The following GATAD2A variants were observed in gnomAD, a reference collection of about 807,000 sequenced individuals.
GATAD2A encodes transcriptional repressor p66-alpha.
A neutral mutation model predicts 68.5 loss-of-function variants in GATAD2A; 12 were observed. The observed-to-expected ratio is 0.18, with a 90% CI of 0.11 to 0.28. GATAD2A has a LOEUF of 0.28. GATAD2A is among the 10% of genes least tolerant of loss of function. GATAD2A has a pLI of 1.00. For missense variants in GATAD2A, 755 were observed against 868.5 expected (o/e 0.87, Z 1.64); for synonymous variants, 410 against 375.3 (o/e 1.09, Z -1.07).
At chr19:19,424,306 T>C (rs2052796973) in intron 1 of GATAD2A, among the ~76,000 whole-genome samples, 1 of 152,158 alleles carries the variant, frequency 6.6e-6, no homozygotes, top group African/African-American at 2.4e-5. Flanking sequence ...ATTGGCTCAC[T>C]GTATCCTCCA....
intron 11 of GATAD2A, among the ~76,000 whole-genome samples, chr19:19,503,388 G>T (rs891160478): frequency 6.6e-6 from 1 of 152,188 alleles, no homozygotes; most frequent in Non-Finnish European, 1.5e-5. Flanking sequence ...TGAGGGGCGT[G>T]CCCAGGTGCC....
intron 1 of GATAD2A, among the ~76,000 whole-genome samples, chr19:19,449,814 T>C (rs2056177796): frequency 6.6e-6 from 1 of 152,176 alleles, no homozygotes. Flanking sequence ...AATAAATTGA[T>C]TTTAAAAAAT....
intron 2 of GATAD2A, among the ~76,000 whole-genome samples, chr19:19,479,824 G>T (rs1463922120): frequency 1.4e-5 from 2 of 147,244 alleles, no homozygotes; most frequent in Admixed American, 1.4e-4. Context: ...ACTATGTGTG[G>T]CCCACTCTTT....
intron 1 of GATAD2A, chr19:19,436,190 T>C: frequency 7.3e-7 from 1 of 1,366,278 alleles, no homozygotes; most frequent in South Asian, 1.1e-5. Context: ...GGCCAACTGG[T>C]AGGACCAGCA....
chr19:19,500,188 C>G (rs1402449835), intron 8 of GATAD2A, among the ~76,000 whole-genome samples: 1 of 152,228 alleles, frequency 6.6e-6, no homozygotes, highest in Non-Finnish European at 1.5e-5. Context: ...TCCCAGAGCC[C>G]CCAGCCTCGC....
At chr19:19,466,319 C>T (rs8100566) in intron 2 of GATAD2A, among the ~76,000 whole-genome samples, 3,217 of 152,332 alleles carry the variant, frequency 0.021, 111 homozygotes, top group African/African-American at 0.073. Context: ...GCTCTTGCAT[C>T]ACCCCTCCCC....
chr19:19,484,955 C>G (rs1222771472), intron 2 of GATAD2A, among the ~76,000 whole-genome samples: 2 of 152,134 alleles, frequency 1.3e-5, no homozygotes, highest in Non-Finnish European at 2.9e-5. Flanking sequence ...GGGGTGCCTC[C>G]CAGCCTGCAG....
chr19:19,498,397 TG>T lies in GATAD2A; in HGVS notation c.925-43del, dbSNP rs745487813. 5.1e-6 allele frequency: 8 copies of T among 1,562,004 alleles called. No homozygotes were observed. The African/African-American group carries it at 9.5e-5, about 19-fold the overall frequency. The stretch of plus-strand genomic sequence containing the variant: ...TTCGGGGCGCTGGGGAGCCTTCCTC[TG>T]GGCAGGCGCACGGAGCGCCCTGACT... On this transcript the variant is annotated intron_variant, in intron 7 of 11. Transcript: ENST00000683918.
At chr19:19,415,894 G>A (rs1239509375) in intron 1 of GATAD2A, among the ~76,000 whole-genome samples, 5 of 151,232 alleles carry the variant, frequency 3.3e-5, no homozygotes, top group South Asian at 2.1e-4. Flanking sequence ...GGAATTGCAG[G>A]CATGAGCCAC....
intron 1 of GATAD2A, among the ~76,000 whole-genome samples, chr19:19,438,213 C>CA (rs1340959862): frequency 1.2e-4 from 18 of 152,226 alleles, no homozygotes; most frequent in Non-Finnish European, 1.3e-4. Flanking sequence ...ACTAGGGACT[C>CA]AGAGTCACAA....
intron 11 of GATAD2A, among the ~76,000 whole-genome samples, chr19:19,504,782 G>A (rs1012331681): frequency 1.3e-5 from 2 of 151,622 alleles, no homozygotes; most frequent in African/African-American, 4.9e-5. Flanking sequence ...TGGAGTAACT[G>A]GGACTACAGG....
At chr19:19,460,339 A>G (rs1279884828) in intron 1 of GATAD2A, among the ~76,000 whole-genome samples, 1 of 152,176 alleles carries the variant, frequency 6.6e-6, no homozygotes, top group Non-Finnish European at 1.5e-5. Context: ...GGAGGTGGGC[A>G]CCTGGGCGCA....
chr19:19,499,091 G>A (rs940084456), intron 8 of GATAD2A, among the ~76,000 whole-genome samples: 1 of 152,246 alleles, frequency 6.6e-6, no homozygotes, highest in Non-Finnish European at 1.5e-5. Flanking sequence ...ACCTTCCAGA[G>A]CCTCAAGTGC....
intron 1 of GATAD2A, among the ~76,000 whole-genome samples, chr19:19,406,809 C>G (rs1600021936): frequency 6.6e-6 from 1 of 152,210 alleles, no homozygotes; most frequent in African/African-American, 2.4e-5. Context: ...CTGACGGACA[C>G]TTGGATTGTG....
chr19:19,453,485 A>C (rs545372880), intron 1 of GATAD2A, among the ~76,000 whole-genome samples: 1 of 152,106 alleles, frequency 6.6e-6, no homozygotes, highest in Non-Finnish European at 1.5e-5. Flanking sequence ...TTTAATTTAC[A>C]CGTTCGAGTC....
At chr19:19,391,679 G>A (rs1359043731) in intron 1 of GATAD2A, among the ~76,000 whole-genome samples, 1 of 152,054 alleles carries the variant, frequency 6.6e-6, no homozygotes, top group Non-Finnish European at 1.5e-5. Context: ...AAAAACCTTG[G>A]ATAGTTAGAA....
Position 19,493,411 on chromosome 19 carries a change from C to T in GATAD2A, c.534+699C>T, listed in dbSNP as rs1028901194. Among the ~76,000 whole-genome samples the T allele has an allele frequency of 1.1e-4, 16 of 152,364 alleles. 1 individual carries two copies. Among genetic ancestry groups the T allele is most frequent in the Non-Finnish European group, 7.3e-5 (5 of 68,042 alleles). On this transcript the variant is annotated intron_variant, in intron 4 of 11. Transcript: ENST00000683918. ...CCTGCTGTGTGCGTCTCAGTCCCCT[C>T]CCAGCTGCAAGTGTGCTGAGCTCCC...
At chr19:19,455,454 C>A (rs1313637095) in intron 1 of GATAD2A, among the ~76,000 whole-genome samples, 1 of 151,976 alleles carries the variant, frequency 6.6e-6, no homozygotes, top group Non-Finnish European at 1.5e-5. Context: ...TGTGCCGCGC[C>A]ACTCCACTCC....
chr19:19,486,131 G>T (rs998217650), intron 2 of GATAD2A, among the ~76,000 whole-genome samples: 2 of 152,196 alleles, frequency 1.3e-5, no homozygotes, highest in Non-Finnish European at 2.9e-5. Context: ...TCTGCCCTTG[G>T]GGGGTTTGTG....
Sources: allele counts gnomAD v4.1 joint callset (sites outside exome capture counted in the v4.1 genomes callset), GRCh38; gene constraint gnomAD v4.1.1; transcripts MANE v1.5; gene names NCBI Gene and HGNC (gene_info 2026-07-23, HGNC 2026-07-21).